Variants in SYT16 observed in about 807,000 individuals in gnomAD.
SYT16 encodes the protein synaptotagmin-16.
In SYT16, 42 loss-of-function variants were observed where a neutral mutation model predicts 61.4. The ratio of observed to expected loss-of-function variants is 0.68; its 90% confidence interval spans 0.53 to 0.89. SYT16 has a LOEUF of 0.89. SYT16 is among the 40% of genes least tolerant of loss of function. The pLI, the probability that SYT16 is intolerant of heterozygous loss-of-function variation, is 0.00. For synonymous variants in SYT16, 314 were observed against 302.3 expected, an observed-to-expected ratio of 1.04 and a Z score of -0.40; for missense variants, 804 against 807.3, an observed-to-expected ratio of 1.00 and a Z score of 0.05.
At chr14:62,039,390 TCTAAG>T (rs2054628611) in intron 3 of SYT16, among the ~76,000 whole-genome samples, 1 of 152,180 alleles carries the variant, frequency 6.6e-6, no homozygotes, top group African/African-American at 2.4e-5. Context: ...CATAAAGTAT[TCTAAG>T]CTAAGAAGGC....
chr14:62,084,410 CTCTGGTTCTTCCAGA>C lies in SYT16; in HGVS notation c.1624+26_1624+40del, dbSNP rs1268109866. On this transcript the variant is annotated intron_variant, in intron 7 of 7. Coordinates refer to ENST00000683842, the MANE Select transcript of SYT16 (RefSeq NM_001367656.1). Reference sequence around the variant, plus strand: ...GGTAAGTGTGAGTCTGTTCTCCCAGCTCTGGTTCTTCCAGAGGCAAGTGGAAAGCCCTGTCTGCTT... The same window carrying C: ...GGTAAGTGTGAGTCTGTTCTCCCAGCGGCAAGTGGAAAGCCCTGTCTGCTT... 4 of 1,595,520 alleles carry C rather than the reference CTCTGGTTCTTCCAGA, an allele frequency of 2.5e-6. No individual in the cohort carries two copies. The African/African-American group carries it at 4.1e-5, about 16-fold the overall frequency.
At chr14:62,002,745 C>G (rs1251624654) in intron 3 of SYT16, among the ~76,000 whole-genome samples, 1 of 152,090 alleles carries the variant, frequency 6.6e-6, no homozygotes, top group African/African-American at 2.4e-5. Context: ...CTGAAAGCAA[C>G]AGGATTTGCT....
At chr14:61,874,657 C>A (rs1418331808) in intron 1 of SYT16, among the ~76,000 whole-genome samples, 2 of 152,040 alleles carry the variant, frequency 1.3e-5, no homozygotes, top group Non-Finnish European at 2.9e-5. Flanking sequence ...CTCTTTGGGA[C>A]CATAAAGTAG....
intron 1 of SYT16, among the ~76,000 whole-genome samples, chr14:61,905,064 C>T (rs565073431): frequency 1.2e-4 from 18 of 152,280 alleles, no homozygotes; most frequent in Non-Finnish European, 2.4e-4. Context: ...TATCCCACTT[C>T]GAAAACCTCT....
rs2057620435 is a variant in SYT16, at chr14:62,112,156, T to C, written c.*11449T>C. 6.6e-6 allele frequency: 1 copy of C among 152,132 alleles called. No individual in the cohort carries two copies. Among genetic ancestry groups the C allele is most frequent in the Non-Finnish European group, 1.5e-5 (1 of 67,964 alleles). The allele number at this position is 152,132 out of a possible 1,614,324, so 9.4% of individuals were successfully genotyped here. Reference sequence around the variant, plus strand: ...TTAAACAAGACCAATCAGTGAAATATTGAATGTCAATACTTTTTGTTAGAA... The same window carrying C: ...TTAAACAAGACCAATCAGTGAAATACTGAATGTCAATACTTTTTGTTAGAA... On this transcript the variant is annotated 3_prime_UTR_variant, in exon 8 of 8. Coordinates refer to ENST00000683842, the MANE Select transcript of SYT16 (RefSeq NM_001367656.1).
At chr14:61,961,134 A>C (rs999720894) in intron 1 of SYT16, among the ~76,000 whole-genome samples, 3 of 152,190 alleles carry the variant, frequency 2.0e-5, no homozygotes. Flanking sequence ...TAGATTAAAG[A>C]CTTAAATGTA....
intron 1 of SYT16, among the ~76,000 whole-genome samples, chr14:61,881,715 G>A (rs2047705359): frequency 6.6e-6 from 1 of 152,040 alleles, no homozygotes; most frequent in African/African-American, 2.4e-5. Context: ...TTGTTGCCTG[G>A]GCTTTAGGGG....
In SYT16 at chr14:62,080,868, G is replaced by A. The variant is rs77585013; in HGVS notation, c.1028G>A (p.Gly343Glu). The A allele has an allele frequency of 3.1e-4, 505 of 1,603,532 alleles. 2 individuals are homozygous for A. The African/African-American group carries it at 5.7e-3, about 18-fold the overall frequency. Residue 343 changes from glycine to glutamate, a missense_variant, in exon 6 of 8, where the codon GGG becomes GAG. By Grantham distance (98) the Gly-to-Glu change is moderately conservative. Transcript: ENST00000683842. ...QDRTNLQVPS[G>E]VSEPISKCGD... The stretch of plus-strand genomic sequence containing the variant: ...AGGACCAATTTGCAGGTGCCATCCG[G>A]GGTCTCAGAGCCCATCTCAAAGTGT...
At chr14:61,885,510 C>T (rs892743154) in intron 1 of SYT16, among the ~76,000 whole-genome samples, 7 of 152,126 alleles carry the variant, frequency 4.6e-5, no homozygotes, top group Non-Finnish European at 8.8e-5. Flanking sequence ...GTGGATGAAT[C>T]CTTGCACATA....
chr14:62,060,700 A>G (rs1345551393), intron 3 of SYT16, among the ~76,000 whole-genome samples: 1 of 151,942 alleles, frequency 6.6e-6, no homozygotes, highest in Non-Finnish European at 1.5e-5. Context: ...TCCTTTAAAT[A>G]CATTATTGGA....
chr14:61,881,303 T>A (rs2047689489), intron 1 of SYT16, among the ~76,000 whole-genome samples: 1 of 152,230 alleles, frequency 6.6e-6, no homozygotes, highest in Non-Finnish European at 1.5e-5. Context: ...ATTTGGCTGC[T>A]CCCCTTCTCA....
chr14:62,056,339 C>T (rs1388677493), intron 3 of SYT16, among the ~76,000 whole-genome samples: 3 of 152,080 alleles, frequency 2.0e-5, no homozygotes, highest in South Asian at 2.1e-4. Context: ...ATACAGCCCT[C>T]GCACTTCTAC....
intron 1 of SYT16, among the ~76,000 whole-genome samples, chr14:61,868,732 A>G (rs575828418): frequency 6.6e-6 from 1 of 152,058 alleles, no homozygotes; most frequent in Admixed American, 6.5e-5. Flanking sequence ...GGTCTGGGTA[A>G]ATGTCCCATG....
At chr14:61,965,849 T>A (rs1217814910) in intron 1 of SYT16, among the ~76,000 whole-genome samples, 4 of 151,896 alleles carry the variant, frequency 2.6e-5, no homozygotes, top group African/African-American at 9.7e-5. Context: ...ATTGTGGATA[T>A]CTGATGAAAT....
At chr14:62,099,300 G>A (rs2057358353) in intron 7 of SYT16, among the ~76,000 whole-genome samples, 1 of 152,318 alleles carries the variant, frequency 6.6e-6, no homozygotes, top group South Asian at 2.1e-4. Context: ...AGCTTGCAGT[G>A]TACACAGAGT....
intron 1 of SYT16, among the ~76,000 whole-genome samples, chr14:61,927,950 C>T (rs1359331223): frequency 1.3e-5 from 2 of 152,112 alleles, no homozygotes; most frequent in East Asian, 1.9e-4. Flanking sequence ...GCTTTGCAGT[C>T]GTGAAAGTTC....
At chr14:61,933,426 A>C (rs2049854798) in intron 1 of SYT16, among the ~76,000 whole-genome samples, 1 of 152,192 alleles carries the variant, frequency 6.6e-6, no homozygotes, top group Non-Finnish European at 1.5e-5. Flanking sequence ...CCTCTACCCT[A>C]TACTCATCCC....
chr14:62,051,599 G>A (rs1248769786), intron 3 of SYT16, among the ~76,000 whole-genome samples: 1 of 152,162 alleles, frequency 6.6e-6, no homozygotes, highest in African/African-American at 2.4e-5. Context: ...GTTCCTATTC[G>A]GCCATCTTGG....
At chr14:62,010,957 T>TA (rs2053423529) in intron 3 of SYT16, among the ~76,000 whole-genome samples, 1 of 152,196 alleles carries the variant, frequency 6.6e-6, no homozygotes, top group South Asian at 2.1e-4. Context: ...GACCAGCAGT[T>TA]ACTTCTTTTG....
Sources: gnomAD v4.1 joint callset for allele counts (sites outside exome capture counted in the v4.1 genomes callset) on GRCh38, gnomAD v4.1.1 for gene constraint, MANE v1.5 for transcripts, NCBI Gene and HGNC (gene_info 2026-07-23, HGNC 2026-07-21) for gene names.